Variants in CCSER1 observed in about 807,000 individuals in gnomAD.
CCSER1 encodes the protein serine-rich coiled-coil domain-containing protein 1.
In CCSER1, 41 loss-of-function variants were observed where a neutral mutation model predicts 82.0. The observed-to-expected ratio is 0.50, with a 90% CI of 0.39 to 0.65. The LOEUF is 0.65. Among genes scored for constraint, CCSER1 ranks in the 30% least tolerant of loss-of-function variants. The probability of loss-of-function intolerance (pLI) is 0.00; values close to 1 mark genes in which losing one functional copy is unlikely to be tolerated. For synonymous variants in CCSER1, 414 were observed against 383.9 expected (o/e 1.08, Z -0.92); for missense variants, 1,119 against 1,064.2 (o/e 1.05, Z -0.72).
intron 8 of CCSER1, among the ~76,000 whole-genome samples, chr4:90,829,726 G>A (rs1271172704): frequency 6.6e-6 from 1 of 152,152 alleles, no homozygotes; most frequent in Non-Finnish European, 1.5e-5. Flanking sequence ...GAAGGTCTGC[G>A]AGAGAGTAGA....
intron 8 of CCSER1, among the ~76,000 whole-genome samples, chr4:90,896,243 G>T (rs1723695794): frequency 6.6e-6 from 1 of 151,926 alleles, no homozygotes; most frequent in Non-Finnish European, 1.5e-5. Context: ...GACGAAGTTT[G>T]TTTATTCTAT....
At chr4:90,462,071 A>C (rs1333834598) in intron 4 of CCSER1, among the ~76,000 whole-genome samples, 1 of 151,848 alleles carries the variant, frequency 6.6e-6, no homozygotes, top group East Asian at 1.9e-4. Flanking sequence ...TCTTCTTTCA[A>C]TTCTGGATTA....
intron 6 of CCSER1, among the ~76,000 whole-genome samples, chr4:90,702,285 CAT>C (rs1266803665): frequency 6.6e-6 from 1 of 152,078 alleles, no homozygotes; most frequent in Admixed American, 6.6e-5. Context: ...TATTGGTTTT[CAT>C]ATGTTTAACC....
chr4:91,416,195 TCAG>T (rs982401545), intron 10 of CCSER1, among the ~76,000 whole-genome samples: 1 of 152,000 alleles, frequency 6.6e-6, no homozygotes, highest in African/African-American at 2.4e-5. Flanking sequence ...CTCAAGGAAA[TCAG>T]AGAGAACACA....
At chr4:90,700,308 G>A (rs1328067892) in intron 6 of CCSER1, among the ~76,000 whole-genome samples, 1 of 152,098 alleles carries the variant, frequency 6.6e-6, no homozygotes, top group African/African-American at 2.4e-5. Context: ...TCCCTACAAA[G>A]GACATGAACT....
chr4:91,507,640 G>T (rs1225333981), intron 10 of CCSER1, among the ~76,000 whole-genome samples: 1 of 151,492 alleles, frequency 6.6e-6, no homozygotes, highest in Non-Finnish European at 1.5e-5. Context: ...GGTGTACTTA[G>T]TATATTCTGA....
At chr4:90,550,360 T>TC (rs1312719445) in intron 5 of CCSER1, among the ~76,000 whole-genome samples, 1 of 152,192 alleles carries the variant, frequency 6.6e-6, no homozygotes, top group African/African-American at 2.4e-5. Context: ...TACTTGACTT[T>TC]CATGAAATTT....
intron 3 of CCSER1, among the ~76,000 whole-genome samples, chr4:90,361,639 G>A (rs1745400124): frequency 6.6e-6 from 1 of 152,162 alleles, no homozygotes; most frequent in African/African-American, 2.4e-5. Context: ...TAGTTTTTCA[G>A]CCCTTGCCCT....
At chr4:91,467,165 C>T (rs544776651) in intron 10 of CCSER1, among the ~76,000 whole-genome samples, 12 of 152,118 alleles carry the variant, frequency 7.9e-5, no homozygotes, top group East Asian at 3.9e-4. Context: ...GAGATATAGA[C>T]CAATGGAACA....
At chr4:90,892,216 G>A (rs1056798029) in intron 8 of CCSER1, among the ~76,000 whole-genome samples, 1 of 151,828 alleles carries the variant, frequency 6.6e-6, no homozygotes, top group African/African-American at 2.4e-5. Flanking sequence ...ATTAAGAAAG[G>A]CTTATTTTTA....
chr4:91,141,782 C>T (rs545884814), intron 10 of CCSER1, among the ~76,000 whole-genome samples: 2 of 152,266 alleles, frequency 1.3e-5, no homozygotes, highest in South Asian at 4.2e-4. Flanking sequence ...TGCAGCCTCA[C>T]CAACAGTTGT....
intron 10 of CCSER1, among the ~76,000 whole-genome samples, chr4:91,495,277 T>A (rs2110078440): frequency 6.6e-6 from 1 of 151,730 alleles, no homozygotes; most frequent in South Asian, 2.1e-4. Context: ...CTATACATGT[T>A]TTCTGTATAT....
Position 90,580,929 on chromosome 4 carries a change from GATTA to G in CCSER1, c.1725-47092_1725-47089del, listed in dbSNP as rs542930198. ...AGAATCCATGGGGAAATTGAGTTTT[GATTA>G]ATTGTGTGTTTTATTTTAAAAGGGT... is the stretch of plus-strand genomic sequence containing the variant. On this transcript the variant is annotated intron_variant, in intron 5 of 10. Coordinates refer to ENST00000509176, the MANE Select transcript of CCSER1 (RefSeq NM_001145065.2). Among the ~76,000 whole-genome samples the G allele has an allele frequency of 4.8e-3, 733 of 152,254 alleles. 7 individuals carry two copies. Among genetic ancestry groups the G allele is most frequent in the African/African-American group, 0.017 (701 of 41,570 alleles).
Position 90,301,659 on chromosome 4 carries a change from G to A in CCSER1, c.-41-6585G>A, listed in dbSNP as rs978788305. Reference sequence around the variant, plus strand: ...AATAAAGACCCCTAGATAATGGATAGGTCTAGTTCAACCTTCATATTTTTA... The same window carrying A: ...AATAAAGACCCCTAGATAATGGATAAGTCTAGTTCAACCTTCATATTTTTA... On this transcript the variant is annotated intron_variant, in intron 1 of 10. Coordinates refer to ENST00000509176, the MANE Select transcript of CCSER1 (RefSeq NM_001145065.2). 2.6e-5 allele frequency among the ~76,000 whole-genome samples: 4 copies of A among 152,104 alleles called. No homozygotes were observed. In the South Asian group the frequency reaches 8.3e-4, roughly 32 times the overall value.
intron 7 of CCSER1, among the ~76,000 whole-genome samples, chr4:90,802,902 T>C: frequency 1.5e-5 from 1 of 66,588 alleles, no homozygotes. Flanking sequence ...CTTTCTTCTT[T>C]TTTTTTTTCA....
At chr4:91,511,223 G>A (rs1759804652) in intron 10 of CCSER1, among the ~76,000 whole-genome samples, 1 of 151,944 alleles carries the variant, frequency 6.6e-6, no homozygotes, top group African/African-American at 2.4e-5. Context: ...TTTTGTTATT[G>A]TAGCTTTATA....
intron 9 of CCSER1, among the ~76,000 whole-genome samples, chr4:90,960,824 ATACT>A (rs1014979536): frequency 3.3e-5 from 5 of 152,192 alleles, no homozygotes; most frequent in Non-Finnish European, 7.3e-5. Context: ...AAGTTGTGAA[ATACT>A]TATTTAGCAC....
intron 4 of CCSER1, among the ~76,000 whole-genome samples, chr4:90,431,040 G>A (rs2153566579): frequency 6.6e-6 from 1 of 152,060 alleles, no homozygotes; most frequent in East Asian, 1.9e-4. Flanking sequence ...CAGGAGCCTG[G>A]TTTTGTTAAG....
chr4:90,695,518 G>A (rs1237271784), intron 6 of CCSER1, among the ~76,000 whole-genome samples: 1 of 151,954 alleles, frequency 6.6e-6, no homozygotes, highest in Admixed American at 6.6e-5. Flanking sequence ...ATCATAGAAT[G>A]TCAGACCTAG....
Sources: allele counts gnomAD v4.1 joint callset (sites outside exome capture counted in the v4.1 genomes callset), GRCh38; gene constraint gnomAD v4.1.1; transcripts MANE v1.5; gene names NCBI Gene and HGNC (gene_info 2026-07-23, HGNC 2026-07-21).